Variants in MACROD2 observed in about 807,000 individuals in gnomAD.
MACROD2 encodes ADP-ribose glycohydrolase MACROD2.
A neutral mutation model predicts 70.4 loss-of-function variants in MACROD2; 36 were observed. The ratio of observed to expected loss-of-function variants is 0.51; its 90% CI spans 0.39 to 0.68. MACROD2 has a LOEUF of 0.68. MACROD2 is among the 30% of genes least tolerant of loss of function. MACROD2 has a pLI of 0.00. For synonymous variants in MACROD2, 172 were observed against 178.8 expected, an observed-to-expected ratio of 0.96 and a Z score of 0.30; for missense variants, 496 against 538.4, an observed-to-expected ratio of 0.92 and a Z score of 0.78.
intron 5 of MACROD2, among the ~76,000 whole-genome samples, chr20:15,038,546 A>C (rs1323002539): frequency 6.6e-6 from 1 of 152,188 alleles, no homozygotes; most frequent in Admixed American, 6.5e-5. Flanking sequence ...TCTATCAGGA[A>C]CTTTGTGAGT....
chr20:14,897,052 A>G (rs1383410492), intron 5 of MACROD2, among the ~76,000 whole-genome samples: 1 of 152,198 alleles, frequency 6.6e-6, no homozygotes, highest in East Asian at 1.9e-4. Flanking sequence ...ATGTTACAGT[A>G]GACTAACCAC....
At chr20:14,243,553 C>T (rs1170372471) in intron 3 of MACROD2, among the ~76,000 whole-genome samples, 2 of 152,090 alleles carry the variant, frequency 1.3e-5, no homozygotes, top group African/African-American at 4.8e-5. Context: ...TCTTGTATTG[C>T]CTGTACGGAA....
chr20:15,460,812 T>A (rs1384002437), intron 7 of MACROD2, among the ~76,000 whole-genome samples: 2 of 151,798 alleles, frequency 1.3e-5, no homozygotes, highest in South Asian at 4.2e-4. Context: ...GACATTTGTG[T>A]ATGATTGGTG....
chr20:14,431,035 G>A (rs1450513533), intron 3 of MACROD2, among the ~76,000 whole-genome samples: 1 of 152,088 alleles, frequency 6.6e-6, no homozygotes, highest in Non-Finnish European at 1.5e-5. Context: ...TCTTCTCTGA[G>A]GCACTGGTAT....
intron 5 of MACROD2, among the ~76,000 whole-genome samples, chr20:14,981,946 G>T (rs1042061878): frequency 2.0e-5 from 3 of 152,152 alleles, no homozygotes; most frequent in Admixed American, 2.0e-4. Context: ...GAGCTCATAA[G>T]AAGACAGGGA....
chr20:14,595,364 C>T (rs564430162), intron 4 of MACROD2, among the ~76,000 whole-genome samples: 3 of 152,282 alleles, frequency 2.0e-5, no homozygotes, highest in East Asian at 3.9e-4. Context: ...GCAGACTGAA[C>T]CCCTGTACCA....
At position 14,378,249 on chromosome 20, in the gene MACROD2, G is replaced by A. The variant is rs149564032; in HGVS notation, c.272-115230G>A. Among the ~76,000 whole-genome samples the A allele has an allele frequency of 4.9e-4, 75 of 152,262 alleles. No individual in the cohort carries two copies. The East Asian group carries it at 0.014, about 27-fold the overall frequency. The stretch of plus-strand genomic sequence containing the variant: ...ACCCATTAATATGGTGAGTGCTAAG[G>A]TGCACTACACAGATTCCCTTTTGAG... On this transcript the variant is annotated intron_variant, in intron 3 of 17. Coordinates refer to ENST00000684519, the MANE Select transcript of MACROD2 (RefSeq NM_001351661.2).
At chr20:14,664,115 T>C (rs1486561376) in intron 4 of MACROD2, among the ~76,000 whole-genome samples, 1 of 152,112 alleles carries the variant, frequency 6.6e-6, no homozygotes, top group Non-Finnish European at 1.5e-5. Flanking sequence ...CCATTACTAA[T>C]GGTAAGAATT....
chr20:15,522,772 G>A (rs978000855), intron 8 of MACROD2, among the ~76,000 whole-genome samples: 2 of 152,182 alleles, frequency 1.3e-5, no homozygotes, highest in Admixed American at 1.3e-4. Context: ...CTGGCAACTG[G>A]TGCTAACTGC....
intron 3 of MACROD2, among the ~76,000 whole-genome samples, chr20:14,271,440 G>T (rs2122354982): frequency 1.3e-5 from 2 of 152,328 alleles, no homozygotes; most frequent in South Asian, 4.1e-4. Context: ...GGTCCTGTCT[G>T]TTAGAAGAAA....
At chr20:14,416,179 A>G (rs1297369554) in intron 3 of MACROD2, among the ~76,000 whole-genome samples, 3 of 151,920 alleles carry the variant, frequency 2.0e-5, no homozygotes, top group African/African-American at 7.3e-5. Flanking sequence ...GGATGGTCTC[A>G]ATCTCCTGAC....
At chr20:14,569,338 A>G (rs895589531) in intron 4 of MACROD2, among the ~76,000 whole-genome samples, 6 of 152,086 alleles carry the variant, frequency 3.9e-5, no homozygotes, top group South Asian at 2.1e-4. Flanking sequence ...AAAAACTATT[A>G]AAACTTCAAT....
At position 15,030,109 on chromosome 20, in the gene MACROD2, A is replaced by G. The variant is rs551684292; in HGVS notation, c.419-199831A>G. Among the ~76,000 whole-genome samples the G allele has an allele frequency of 6.2e-4, 93 of 151,208 alleles. 2 individuals carry two copies. The highest frequency in any genetic ancestry group is 6.1e-3 in the Admixed American group (92 of 15,168). On this transcript the variant is annotated intron_variant, in intron 5 of 17. Coordinates refer to ENST00000684519, the MANE Select transcript of MACROD2 (RefSeq NM_001351661.2). ...AAAAAAAAAAAAAAAACCTGTTCAT[A>G]TATCTTGGACATTTCAATTTCAGTG...
chr20:15,522,236 C>T (rs1383619751), intron 8 of MACROD2, among the ~76,000 whole-genome samples: 2 of 152,144 alleles, frequency 1.3e-5, no homozygotes, highest in African/African-American at 4.8e-5. Flanking sequence ...CTCTCTAGTC[C>T]TAGTGCTGTA....
At chr20:15,992,604 G>T (rs1043796766) in intron 15 of MACROD2, among the ~76,000 whole-genome samples, 19 of 152,304 alleles carry the variant, frequency 1.2e-4, no homozygotes, top group African/African-American at 4.3e-4. Flanking sequence ...AATTTTAAGA[G>T]ACCATCTCTT....
At chr20:15,495,504 C>T (rs1178933099) in intron 7 of MACROD2, among the ~76,000 whole-genome samples, 1 of 152,116 alleles carries the variant, frequency 6.6e-6, no homozygotes, top group South Asian at 2.1e-4. Flanking sequence ...CTGTTGAGTA[C>T]CTTCTCAGCA....
chr20:15,832,087 A>C (rs2147118091), intron 8 of MACROD2, among the ~76,000 whole-genome samples: 1 of 152,220 alleles, frequency 6.6e-6, no homozygotes, highest in East Asian at 1.9e-4. Context: ...GATTTTATCC[A>C]AATGGAAAAA....
intron 5 of MACROD2, among the ~76,000 whole-genome samples, chr20:15,161,944 C>T (rs1438923645): frequency 6.6e-6 from 1 of 151,952 alleles, no homozygotes; most frequent in Admixed American, 6.6e-5. Flanking sequence ...AACAAATGCA[C>T]TTTTTAGATG....
chr20:14,862,676 T>TAA (rs67901168), intron 5 of MACROD2, among the ~76,000 whole-genome samples: 2 of 71,958 alleles, frequency 2.8e-5, no homozygotes, highest in Non-Finnish European at 5.2e-5. Context: ...TAAATATATA[T>TAA]AAATATATAT....
Sources: allele counts gnomAD v4.1 joint callset (sites outside exome capture counted in the v4.1 genomes callset), GRCh38; gene constraint gnomAD v4.1.1; transcripts MANE v1.5; gene names NCBI Gene and HGNC (gene_info 2026-07-23, HGNC 2026-07-21).